The following CHRNA1 variants were observed in gnomAD, a reference collection of about 807,000 sequenced individuals.
The protein encoded by CHRNA1 is cholinergic receptor nicotinic alpha 1 subunit.
Under a neutral mutation model 47.1 loss-of-function variants are expected in CHRNA1, and 35 were observed. The observed-to-expected ratio is 0.74, with a 90% CI of 0.57 to 0.99. CHRNA1 has a LOEUF of 0.99. CHRNA1 is among the 50% of genes least tolerant of loss of function. CHRNA1 has a pLI of 0.00. For missense variants in CHRNA1, 506 were observed against 591.1 expected, an observed-to-expected ratio of 0.86 and a Z score of 1.49; for synonymous variants, 229 against 223.6, an observed-to-expected ratio of 1.02 and a Z score of -0.22.
chr2:174,753,470 G>A (rs367616114), intron 6 of CHRNA1, 33 bp downstream of exon 6: 111 of 1,582,688 alleles, frequency 7.0e-5, no homozygotes, highest in South Asian at 3.2e-4. Flanking sequence ...ACCCATCAGC[G>A]TCAGCAGCAG....
Position 174,764,353 on chromosome 2 carries a change from T to C in CHRNA1, c.42A>G (p.Ser14=). 1 of 1,613,264 alleles carries C rather than the reference T, an allele frequency of 6.2e-7. No homozygotes were observed. Residue 14 remains serine (S), a splice_region_variant and synonymous_variant, in exon 1 of 9, where the codon TCA becomes TCG. Coordinates refer to ENST00000348749, the MANE Select transcript of CHRNA1 (RefSeq NM_000079.4). ...CCCACCCCTGACCCCAGCACTTACC[T>C]GAGCAAAGGCTAAAGAGCAGGAGGA... is the stretch of plus-strand genomic sequence containing the variant. ...WPLLLLFSLC[S]AGLVLGSEHE...
chr2:174,759,647 T>C lies in CHRNA1; in HGVS notation c.44-14A>G. On this transcript the variant is annotated splice_polypyrimidine_tract_variant and intron_variant, in intron 1 of 8. Coordinates refer to ENST00000348749, the MANE Select transcript of CHRNA1 (RefSeq NM_000079.4). ...GGACGAGGCCAGCTGAGACAGCAGA[T>C]GACACCAACACTGTCAGATTCTTCT... is the stretch of plus-strand genomic sequence containing the variant. The C allele has an allele frequency of 1.2e-6, 2 of 1,612,262 alleles. No homozygotes were observed. The highest frequency in any genetic ancestry group is 4.5e-5 in the East Asian group (2 of 44,878).
intron 8 of CHRNA1, 60 bp downstream of exon 8, chr2:174,748,520 T>A: frequency 6.3e-7 from 1 of 1,588,388 alleles, no homozygotes; most frequent in Non-Finnish European, 8.6e-7. Context: ...ACTCACCACC[T>A]GTGCTCATAC....
intron 6 of CHRNA1, among the ~76,000 whole-genome samples, chr2:174,751,801 C>G (rs1414070754): frequency 6.6e-6 from 1 of 151,858 alleles, no homozygotes; most frequent in Admixed American, 6.5e-5. Flanking sequence ...GCCTCAGCCT[C>G]CCAAGTAATT....
chr2:174,748,214 G>A lies in CHRNA1; in HGVS notation c.1284C>T (p.His428=), dbSNP rs1173467478. 2 of 1,614,136 alleles carry A rather than the reference G, an allele frequency of 1.2e-6. No homozygotes were observed. Among genetic ancestry groups the A allele is most frequent in the Admixed American group, 1.7e-5 (1 of 60,018 alleles). ...CAAGCATGAAGACTCCGAGGAGTAT[G>A]TGGTCCATCACCATTGCAACGTACT... ...EWKYVAMVMD[H]ILLGVFMLVC... is the part of the protein sequence containing the mutation. Residue 428 remains histidine (H), a synonymous_variant, in exon 9 of 9, where the codon CAC becomes CAT. Transcript: ENST00000348749.
chr2:174,761,667 C>A (rs762237551), intron 1 of CHRNA1, among the ~76,000 whole-genome samples: 1 of 152,200 alleles, frequency 6.6e-6, no homozygotes, highest in Non-Finnish European at 1.5e-5. Context: ...CAGTGCCCAA[C>A]CACGCAGAGA....
Position 174,748,731 on chromosome 2 carries a change from T to C in CHRNA1, c.1091A>G (p.Glu364Gly). ...REKQDKKIFTEDIDISDISGK... is the reference protein window; with the variant it reads ...REKQDKKIFTGDIDISDISGK... ...AGAAATGTCAGAGATATCAATGTCT[T>C]CTGTAAAAATCTTTTTGTCTTGCTT... Residue 364 changes from glutamate (E) to glycine (G), a missense_variant, in exon 8 of 9, where the codon GAA becomes GGA. Transcript: ENST00000348749. 6.2e-7 allele frequency: 1 copy of C among 1,614,206 alleles called. No individual in the cohort carries two copies. The highest frequency in any genetic ancestry group is 8.5e-7 in the Non-Finnish European group (1 of 1,180,042).
rs141744153 is a variant in CHRNA1 at position 174,757,493 on chromosome 2, G to A, written c.344+73C>T. The A allele has an allele frequency of 5.5e-4, 569 of 1,035,494 alleles. 3 individuals carry two copies. In the African/African-American group the frequency reaches 5.8e-3, roughly 11 times the overall value. 64.1% of individuals were successfully genotyped at this position (1,035,494 alleles called of 1,614,324 possible). A position where few individuals can be genotyped will look rare whatever the true frequency, so the allele number is the denominator to read the frequency against. On this transcript the variant is annotated intron_variant, in intron 4 of 8. Transcript: ENST00000348749. ...CAGTGGTGAGAAGCATTCCGAGCGC[G>A]CAGCCCTTCTATTAGGGCACTTTAT...
Position 174,749,638 on chromosome 2 carries a change from G to A in CHRNA1, c.1002+308C>T, listed in dbSNP as rs113063203. Among the ~76,000 whole-genome samples the A allele has an allele frequency of 2.6e-4, 39 of 152,218 alleles. 2 individuals are homozygous for A. Among genetic ancestry groups the A allele is most frequent in the African/African-American group, 7.7e-4 (32 of 41,536 alleles). ...GATTGGAAAACATACAAAAGAAATC[G>A]CGAGAATTTCACGGCATTTCAATAA... is the stretch of plus-strand genomic sequence containing the variant. On this transcript the variant is annotated intron_variant, in intron 7 of 8. Transcript: ENST00000348749.
chr2:174,751,146 G>A (rs1348875112), intron 6 of CHRNA1, among the ~76,000 whole-genome samples: 1 of 151,768 alleles, frequency 6.6e-6, no homozygotes, highest in Non-Finnish European at 1.5e-5. Context: ...TTCTTGTTTT[G>A]TTTTTTTTGC....
intron 1 of CHRNA1, among the ~76,000 whole-genome samples, chr2:174,761,731 T>G (rs1286372953): frequency 6.6e-6 from 1 of 152,318 alleles, no homozygotes; most frequent in South Asian, 2.1e-4. Context: ...TTGAAGGGAA[T>G]ATGTTGTTTG....
chr2:174,751,593 AATG>A (rs978366667), intron 6 of CHRNA1, among the ~76,000 whole-genome samples: 10 of 152,124 alleles, frequency 6.6e-5, no homozygotes, highest in South Asian at 2.1e-4. Flanking sequence ...GATTAATAAT[AATG>A]ATAATAATAA....
chr2:174,764,096 G>A (rs912280266), intron 1 of CHRNA1, among the ~76,000 whole-genome samples: 1 of 152,190 alleles, frequency 6.6e-6, no homozygotes, highest in Non-Finnish European at 1.5e-5. Flanking sequence ...CAGGCATGAT[G>A]GAGGGAGAGA....
chr2:174,747,879 A>T lies in CHRNA1; in HGVS notation c.*245T>A. 1 of 479,594 alleles carries T rather than the reference A, an allele frequency of 2.1e-6. No homozygotes were observed. The highest frequency in any genetic ancestry group is 2.0e-5 in the African/African-American group (1 of 51,014). 29.7% of individuals were successfully genotyped at this position (479,594 alleles called of 1,614,324 possible). A position where few individuals can be genotyped will look rare whatever the true frequency, so the allele number is the denominator to read the frequency against. On this transcript the variant is annotated 3_prime_UTR_variant, in exon 9 of 9. Transcript: ENST00000348749. ...GACACTGGAAATGAACACTTTTTTT[A>T]GTGATTAGTTTCATTTACTAAAGAG...
intron 1 of CHRNA1, among the ~76,000 whole-genome samples, chr2:174,759,848 G>T (rs1439942639): frequency 1.3e-5 from 2 of 151,794 alleles, no homozygotes; most frequent in African/African-American, 4.9e-5. Context: ...GTGACAGTGG[G>T]GTGTGCCAGG....
At chr2:174,763,385 C>T (rs890783853) in intron 1 of CHRNA1, among the ~76,000 whole-genome samples, 1 of 151,976 alleles carries the variant, frequency 6.6e-6, no homozygotes, top group Non-Finnish European at 1.5e-5. Context: ...TGGACAGAGT[C>T]CAAATCCCAC....
intron 5 of CHRNA1, 127 bp from the exon 6 acceptor site, chr2:174,753,867 G>A (rs1683913384): frequency 2.3e-6 from 2 of 881,170 alleles, no homozygotes; most frequent in Non-Finnish European, 3.7e-6. Flanking sequence ...AGGGACTGTG[G>A]GACACTACTG....
Position 174,748,234 on chromosome 2 carries a change from C to T in CHRNA1, c.1264G>A (p.Val422Ile), listed in dbSNP as rs754320308. The part of the protein sequence containing the change: ...SNNAAAEWKY[V>I]AMVMDHILLG... ...AGTATGTGGTCCATCACCATTGCAA[C>T]GTACTTCCACTCTGCCGCCGCCTGG... Residue 422 changes from valine to isoleucine, a missense_variant, in exon 9 of 9, where the codon GTT becomes ATT. Coordinates refer to ENST00000348749, the MANE Select transcript of CHRNA1 (RefSeq NM_000079.4). 68 of 1,614,034 alleles carry T rather than the reference C, an allele frequency of 4.2e-5. No individual in the cohort carries two copies. Among genetic ancestry groups the T allele is most frequent in the Admixed American group, 6.7e-5 (4 of 60,002 alleles).
At chr2:174,755,060 T>C (rs951375317) in intron 4 of CHRNA1, among the ~76,000 whole-genome samples, 1 of 152,078 alleles carries the variant, frequency 6.6e-6, no homozygotes, top group Non-Finnish European at 1.5e-5. Context: ...AATTTTTGTA[T>C]TTTTAATAGA....
Sources: allele counts gnomAD v4.1 joint callset (sites outside exome capture counted in the v4.1 genomes callset), GRCh38; gene constraint gnomAD v4.1.1; transcripts MANE v1.5; gene names NCBI Gene and HGNC (gene_info 2026-07-23, HGNC 2026-07-21).